SNX7: variants seen among roughly 807,000 people sequenced by gnomAD.
SNX7 encodes sorting nexin 7, also known as sorting nexin-7.
In SNX7, 35 loss-of-function variants were observed where a neutral mutation model predicts 48.4. The ratio of observed to expected loss-of-function variants is 0.72; its 90% confidence interval spans 0.55 to 0.96. The LOEUF (loss-of-function observed/expected upper bound fraction) is 0.96, where lower values mean the gene tolerates loss of function less well. SNX7 is among the 40% of genes least tolerant of loss of function. The pLI is 0.00. For synonymous variants in SNX7, 190 were observed against 190.2 expected (o/e 1.00, Z 0.01); for missense variants, 553 against 548.9 (o/e 1.01, Z -0.07).
At position 98,661,779 on chromosome 1, in the gene SNX7, G is replaced by A. The variant is rs1392191106; in HGVS notation, c.48G>A (p.Pro16=). The change falls in exon 1 of 9, where the codon CCG becomes CCA. Residue 16 remains proline, a synonymous_variant. Coordinates refer to ENST00000306121, the MANE Select transcript of SNX7 (RefSeq NM_015976.5). The part of the protein sequence containing the change: ...RASQAPSSGL[P]AGGANGESPG... ...CGCAGGCGCCCTCCTCGGGCCTCCC[G>A]GCCGGGGGCGCCAACGGGGAGAGCC... The A allele has an allele frequency of 1.6e-6, 2 of 1,242,742 alleles. No homozygotes were observed. The highest frequency in any genetic ancestry group is 2.0e-6 in the Non-Finnish European group (2 of 986,390). 77.0% of individuals were successfully genotyped at this position (1,242,742 alleles called of 1,614,324 possible).
At chr1:98,688,334 T>G (rs547726356) in intron 2 of SNX7, among the ~76,000 whole-genome samples, 1 of 152,296 alleles carries the variant, frequency 6.6e-6, no homozygotes, top group Non-Finnish European at 1.5e-5. Flanking sequence ...GAAATTACCC[T>G]TTGTTGTCTA....
At chr1:98,703,383 A>T (rs1651849042) in intron 7 of SNX7, among the ~76,000 whole-genome samples, 1 of 152,174 alleles carries the variant, frequency 6.6e-6, no homozygotes, top group Non-Finnish European at 1.5e-5. Flanking sequence ...TATGCAACTT[A>T]GAATTATTAT....
In SNX7 at chr1:98,661,795, G is replaced by C. The variant is rs1314966088; in HGVS notation, c.64G>C (p.Gly22Arg). Residue 22 changes from glycine (G) to arginine (R), a missense_variant, in exon 1 of 9, where the codon GGG becomes CGG. By Grantham distance (125) the Gly-to-Arg change is moderately radical (BLOSUM62 -2). Transcript: ENST00000306121. Reference sequence around the variant, plus strand: ...GGGCCTCCCGGCCGGGGGCGCCAACGGGGAGAGCCCGGGGGGCGGCGCCCC... The same window carrying C: ...GGGCCTCCCGGCCGGGGGCGCCAACCGGGAGAGCCCGGGGGGCGGCGCCCC... ...SSGLPAGGAN[G>R]ESPGGGAPFP... 1.1e-5 allele frequency: 14 copies of C among 1,244,408 alleles called. No homozygotes were observed. Among genetic ancestry groups the C allele is most frequent in the Admixed American group, 4.2e-5 (1 of 23,632 alleles). The allele number at this position is 1,244,408 out of a possible 1,614,324, so 77.1% of individuals were successfully genotyped here. A position where few individuals can be genotyped will look rare whatever the true frequency, so the allele number is the denominator to read the frequency against.
At chr1:98,693,160 A>G (rs1021723294) in intron 4 of SNX7, among the ~76,000 whole-genome samples, 1 of 126,800 alleles carries the variant, frequency 7.9e-6, no homozygotes, top group African/African-American at 3.0e-5. Context: ...AAATGGGTAG[A>G]TGGATGAATG....
At chr1:98,754,830 G>GT (rs1170226147) in intron 8 of SNX7, among the ~76,000 whole-genome samples, 1 of 149,664 alleles carries the variant, frequency 6.7e-6, no homozygotes, top group Non-Finnish European at 1.5e-5. Flanking sequence ...GCTCTTTTCT[G>GT]TTTTTTGTTT....
chr1:98,721,528 A>G (rs1463738236), intron 7 of SNX7, among the ~76,000 whole-genome samples: 2 of 152,118 alleles, frequency 1.3e-5, no homozygotes, highest in African/African-American at 4.8e-5. Context: ...AAAGTTTCAA[A>G]ATAAGTCACT....
chr1:98,749,372 A>G (rs1467339750), intron 8 of SNX7, among the ~76,000 whole-genome samples: 2 of 152,144 alleles, frequency 1.3e-5, no homozygotes, highest in African/African-American at 4.8e-5. Flanking sequence ...CTTTTGCATT[A>G]ACTATCTGTG....
At chr1:98,678,536 C>T (rs906552692) in intron 1 of SNX7, among the ~76,000 whole-genome samples, 2 of 152,082 alleles carry the variant, frequency 1.3e-5, no homozygotes, top group South Asian at 2.1e-4. Context: ...CAGAGCTCCT[C>T]GGAGAAATGT....
chr1:98,679,184 C>A (rs1650339332), intron 1 of SNX7, among the ~76,000 whole-genome samples: 1 of 152,166 alleles, frequency 6.6e-6, no homozygotes, highest in African/African-American at 2.4e-5. Flanking sequence ...TCTCATCTTA[C>A]ATGGATGGCA....
rs768181710 is a variant in SNX7, at chr1:98,684,912, T to C, written c.208T>C (p.Phe70Leu). 1.9e-6 allele frequency: 3 copies of C among 1,563,652 alleles called. No homozygotes were observed. Among genetic ancestry groups the C allele is most frequent in the South Asian group, 1.3e-5 (1 of 79,618 alleles). Residue 70 changes from phenylalanine (F) to leucine (L), a missense_variant, in exon 2 of 9, where the codon TTC (phenylalanine) becomes CTC (leucine). Transcript: ENST00000306121. ...TGCCTCATTGATGGACATGAACTCCTTCAGCCCTATGATGCCAACATCCCC... is the reference window on the plus strand; with the variant it reads ...TGCCTCATTGATGGACATGAACTCCCTCAGCCCTATGATGCCAACATCCCC... Reference protein sequence around the residue: ...KDASLMDMNSFSPMMPTSPLS... With the variant: ...KDASLMDMNSLSPMMPTSPLS...
At chr1:98,731,996 A>T (rs896045914) in intron 7 of SNX7, among the ~76,000 whole-genome samples, 1 of 152,118 alleles carries the variant, frequency 6.6e-6, no homozygotes, top group African/African-American at 2.4e-5. Context: ...TGGTCCCTGA[A>T]TTCTGATGGT....
In SNX7 at chr1:98,747,072, G is replaced by T. The variant is rs147142370; in HGVS notation, c.1278+8683G>T. ...ATGAGAGTCATATTAAGGTCCTGTT[G>T]TATTAGAAGACACTTCTGACTTAAA... On this transcript the variant is annotated intron_variant, in intron 8 of 8. Transcript: ENST00000306121. Among the ~76,000 whole-genome samples, 547 of 152,136 alleles carry T rather than the reference G, an allele frequency of 3.6e-3. 5 individuals carry two copies. The highest frequency in any genetic ancestry group is 0.012 in the African/African-American group (509 of 41,530).
At chr1:98,746,270 G>C (rs1219357914) in intron 8 of SNX7, among the ~76,000 whole-genome samples, 3 of 151,956 alleles carry the variant, frequency 2.0e-5, no homozygotes, top group Non-Finnish European at 4.4e-5. Context: ...AAGTCCCTGG[G>C]CATAGTTCTT....
intron 1 of SNX7, chr1:98,662,291 C>G (rs1007866417): frequency 4.2e-5 from 7 of 168,548 alleles, no homozygotes. Context: ...AGCTGCTTTT[C>G]GGGCGAGGCC....
At chr1:98,710,362 G>C (rs1396005103) in intron 7 of SNX7, among the ~76,000 whole-genome samples, 2 of 152,022 alleles carry the variant, frequency 1.3e-5, no homozygotes, top group African/African-American at 4.8e-5. Context: ...AAAGACTGTG[G>C]AAAAAGAGAG....
chr1:98,744,216 TA>T (rs1174467515), intron 8 of SNX7, among the ~76,000 whole-genome samples: 5 of 151,994 alleles, frequency 3.3e-5, no homozygotes, highest in Admixed American at 6.6e-5. Context: ...TAAAGTAGCT[TA>T]AAAAATTAGA....
At chr1:98,707,889 G>A (rs1652093879) in intron 7 of SNX7, among the ~76,000 whole-genome samples, 2 of 152,088 alleles carry the variant, frequency 1.3e-5, no homozygotes, top group African/African-American at 4.8e-5. Context: ...GCTATTTTTG[G>A]CTGGTGTTTT....
intron 7 of SNX7, among the ~76,000 whole-genome samples, chr1:98,727,166 C>T (rs1214031101): frequency 2.0e-5 from 3 of 152,254 alleles, no homozygotes; most frequent in East Asian, 3.9e-4. Context: ...GCTGAGATTG[C>T]GCCACTGTAC....
At chr1:98,728,472 G>A (rs918407359) in intron 7 of SNX7, among the ~76,000 whole-genome samples, 1 of 152,098 alleles carries the variant, frequency 6.6e-6, no homozygotes, top group Non-Finnish European at 1.5e-5. Context: ...ATGTAAATGG[G>A]CTAAATGCTC....
Sources: allele counts gnomAD v4.1 joint callset (sites outside exome capture counted in the v4.1 genomes callset), GRCh38; gene constraint gnomAD v4.1.1; transcripts MANE v1.5; gene names NCBI Gene and HGNC (gene_info 2026-07-23, HGNC 2026-07-21).